Variants in MARS1 observed in about 807,000 individuals in gnomAD.
MARS1 encodes methionyl-tRNA synthetase 1.
Under a neutral mutation model 119.5 loss-of-function variants are expected in MARS1, and 80 were observed. The observed-to-expected ratio is 0.67, with a 90% CI of 0.56 to 0.81. The LOEUF is 0.81. Among genes scored for constraint, MARS1 ranks in the 30% least tolerant of loss-of-function variants. MARS1 has a pLI of 0.00. For synonymous variants in MARS1, 418 were observed against 433.4 expected, an observed-to-expected ratio of 0.96 and a Z score of 0.44; for missense variants, 945 against 1,116.5, an observed-to-expected ratio of 0.85 and a Z score of 2.19.
At chr12:57,499,010 G>A (rs987939393) in intron 9 of MARS1, among the ~76,000 whole-genome samples, 4 of 152,098 alleles carry the variant, frequency 2.6e-5, no homozygotes, top group African/African-American at 9.7e-5. Context: ...ATAGCCGGGT[G>A]CAGTGGCTCA....
At chr12:57,488,295 C>T in intron 1 of MARS1, 96 bp downstream of exon 1, 1 of 1,136,130 alleles carries the variant, frequency 8.8e-7, no homozygotes, top group South Asian at 1.4e-5. Flanking sequence ...CTAGCCCTCG[C>T]CACACACCCC....
intron 13 of MARS1, 41 bp downstream of exon 13, chr12:57,512,144 C>T (rs766761732): frequency 2.1e-5 from 34 of 1,604,150 alleles, no homozygotes; most frequent in African/African-American, 1.6e-4. Flanking sequence ...GGAGGGTAGG[C>T]GGTAGGGTGT....
Position 57,498,434 on chromosome 12 carries a change from G to A in MARS1, c.902G>A (p.Arg301His). Residue 301 changes from arginine (R) to histidine (H), a missense_variant, in exon 9 of 21, where the codon CGC becomes CAC. Transcript: ENST00000262027. ...TTCCCTTGCAGGTACTCTCGCCTCC[G>A]CCAGTGGAACACCCTCTATCTGTGT... ...ADVFARYSRL[R>H]QWNTLYLCGT... The A allele has an allele frequency of 6.2e-6, 10 of 1,613,884 alleles. No homozygotes were observed. The highest frequency in any genetic ancestry group is 8.5e-6 in the Non-Finnish European group (10 of 1,180,026).
chr12:57,488,949 T>TC, intron 1 of MARS1, 70 bp from the exon 2 acceptor site: 2 of 1,235,546 alleles, frequency 1.6e-6, no homozygotes, highest in South Asian at 2.4e-5. Flanking sequence ...TGCAAGGTTA[T>TC]CCTAAGTTGA....
At chr12:57,512,632 A>C in intron 14 of MARS1, 119 bp from the exon 15 acceptor site, 3 of 834,576 alleles carry the variant, frequency 3.6e-6, no homozygotes, top group Non-Finnish European at 5.8e-6. Flanking sequence ...CCTTAAGGAG[A>C]AATGTTGCTA....
Position 57,490,278 on chromosome 12 carries a change from A to G in MARS1, c.562A>G (p.Thr188Ala). ...TQEPCQRAAETVLKQQGVLAL... is the reference protein window; with the variant it reads ...TQEPCQRAAEAVLKQQGVLAL... Reference sequence around the variant, plus strand: ...GGAACCATGTCAGCGAGCTGCAGAGACTGTACTGAAACAGCAAGGTGTCCT... The same window carrying G: ...GGAACCATGTCAGCGAGCTGCAGAGGCTGTACTGAAACAGCAAGGTGTCCT... Residue 188 changes from threonine to alanine, a missense_variant, in exon 6 of 21, where the codon ACT becomes GCT. By Grantham distance (58) the Thr-to-Ala change is moderately conservative (BLOSUM62 0). Transcript: ENST00000262027. 1 of 1,613,498 alleles carries G rather than the reference A, an allele frequency of 6.2e-7. No homozygotes were observed. Among genetic ancestry groups the G allele is most frequent in the South Asian group, 1.1e-5 (1 of 91,050 alleles).
At chr12:57,495,370 G>A (rs1354664438) in intron 7 of MARS1, among the ~76,000 whole-genome samples, 1 of 151,458 alleles carries the variant, frequency 6.6e-6, no homozygotes, top group Non-Finnish European at 1.5e-5. Context: ...ACGGGGTCGC[G>A]GCCGGGCAGA....
Position 57,500,453 on chromosome 12 carries a change from T to G in MARS1, c.1224T>G (p.Cys408Trp), listed in dbSNP as rs1485680862. Residue 408 changes from cysteine (C) to tryptophan (W), a missense_variant, in exon 10 of 21, where the codon TGT (cysteine) becomes TGG (tryptophan). Physicochemically the swap from Cys to Trp is radical, Grantham distance 215 (BLOSUM62 -2). Coordinates refer to ENST00000262027, the MANE Select transcript of MARS1 (RefSeq NM_004990.4). Reference sequence around the variant, plus strand: ...TCGTGGAGGGCGTGTGTCCCTTCTGTGGCTATGAGGAGGCTCGGGGTGACC... The same window carrying G: ...TCGTGGAGGGCGTGTGTCCCTTCTGGGGCTATGAGGAGGCTCGGGGTGACC... ...DRFVEGVCPF[C>W]GYEEARGDQC... The G allele has an allele frequency of 6.2e-7, 1 of 1,614,158 alleles. No individual in the cohort carries two copies. Among genetic ancestry groups the G allele is most frequent in the East Asian group, 2.2e-5 (1 of 44,882 alleles).
chr12:57,499,479 C>T (rs1876814278), intron 9 of MARS1, among the ~76,000 whole-genome samples: 2 of 151,246 alleles, frequency 1.3e-5, no homozygotes, highest in Non-Finnish European at 2.9e-5. Flanking sequence ...TGGTGGGCGC[C>T]TGTAGTCCCA....
chr12:57,504,895 G>C (rs1267959223), intron 11 of MARS1, among the ~76,000 whole-genome samples: 1 of 151,732 alleles, frequency 6.6e-6, no homozygotes, highest in African/African-American at 2.4e-5. Context: ...GTAGAGACAG[G>C]GTTTTGCCAT....
Position 57,511,738 on chromosome 12 carries a change from C to T in MARS1, c.1409C>T (p.Pro470Leu), listed in dbSNP as rs1204484071. 1 of 1,614,226 alleles carries T rather than the reference C, an allele frequency of 6.2e-7. No individual in the cohort carries two copies. The highest frequency in any genetic ancestry group is 1.1e-5 in the South Asian group (1 of 91,086). The part of the protein sequence containing the change: ...RLEEWLGRTL[P>L]GSDWTPNAQF... ...GAGGAGTGGTTGGGGAGGACATTGC[C>T]TGGCAGTGACTGGACACCCAATGCC... The change falls in exon 12 of 21, where the codon CCT becomes CTT. Residue 470 changes from proline (P) to leucine (L), a missense_variant. Transcript: ENST00000262027.
chr12:57,513,755 T>G lies in MARS1; in HGVS notation c.1967+791T>G, dbSNP rs58998083. Among the ~76,000 whole-genome samples, 316 of 152,244 alleles carry G rather than the reference T, an allele frequency of 2.1e-3. 2 individuals carry two copies. Among genetic ancestry groups the G allele is most frequent in the African/African-American group, 6.7e-3 (279 of 41,548 alleles). On this transcript the variant is annotated intron_variant, in intron 15 of 20. Transcript: ENST00000262027. ...GTATTCTCCAGAATTTAGGATTCTT[T>G]AGTCACACTCTCTGAGCCCTGGACC...
chr12:57,495,576 G>A (rs1186400989), intron 7 of MARS1, among the ~76,000 whole-genome samples: 2 of 151,222 alleles, frequency 1.3e-5, no homozygotes, highest in Non-Finnish European at 3.0e-5. Context: ...AGGCTGAGAC[G>A]CTCCTCACTT....
rs148245567 is a variant in MARS1 at position 57,516,550 on chromosome 12, C to T, written c.2672C>T (p.Pro891Leu). The change falls in exon 21 of 21, where the codon CCT (proline) becomes CTT (leucine). Residue 891 changes from proline to leucine, a missense_variant. Transcript: ENST00000262027. ...TTGGCTGTAGCTGAGGGGAAACCCC[C>T]TGAAGCCCCTAAAGGCAAGAAGAAA... ...KQLAVAEGKP[P>L]EAPKGKKKK 24 of 1,597,158 alleles carry T rather than the reference C, an allele frequency of 1.5e-5. No homozygotes were observed. In the African/African-American group the frequency reaches 3.3e-4, roughly 22 times the overall value.
chr12:57,490,049 T>C (rs903279884), intron 5 of MARS1, 78 bp downstream of exon 5: 2 of 1,486,348 alleles, frequency 1.3e-6, no homozygotes, highest in African/African-American at 1.4e-5. Flanking sequence ...TACTGAGAAC[T>C]CCCTTCAAGG....
At chr12:57,502,578 TGCCTGTAATCCCA>T (rs1876967475) in intron 10 of MARS1, among the ~76,000 whole-genome samples, 1 of 151,542 alleles carries the variant, frequency 6.6e-6, no homozygotes. Context: ...TGGTGGTGCG[TGCCTGTAATCCCA>T]GCTACCAGGG....
intron 11 of MARS1, among the ~76,000 whole-genome samples, chr12:57,507,949 C>T (rs1237321292): frequency 2.0e-5 from 3 of 149,288 alleles, no homozygotes; most frequent in African/African-American, 5.0e-5. Context: ...TCAGATGGGG[C>T]GGCTGCCGGG....
chr12:57,516,018 G>C lies in MARS1; in HGVS notation c.2463+27G>C, dbSNP rs368219266. 3.7e-6 allele frequency: 6 copies of C among 1,608,550 alleles called. No individual in the cohort carries two copies. The Admixed American group carries it at 1.0e-4, about 27-fold the overall frequency. On this transcript the variant is annotated intron_variant, in intron 19 of 20. Transcript: ENST00000262027. ...TGAGAAAGCTAAAGGCTGTGCCCTCGCTCCACAACAGCCACAGCATCACTT... is the reference window on the plus strand; with the variant it reads ...TGAGAAAGCTAAAGGCTGTGCCCTCCCTCCACAACAGCCACAGCATCACTT...
chr12:57,494,461 GGGATTACA>G (rs1282509433), intron 7 of MARS1, among the ~76,000 whole-genome samples: 1 of 144,546 alleles, frequency 6.9e-6, no homozygotes, highest in African/African-American at 2.6e-5. Flanking sequence ...CTGAGTAGCT[GGGATTACA>G]GGTGCCTGCC....
Sources: allele counts gnomAD v4.1 joint callset (sites outside exome capture counted in the v4.1 genomes callset), GRCh38; gene constraint gnomAD v4.1.1; transcripts MANE v1.5; gene names NCBI Gene and HGNC (gene_info 2026-07-23, HGNC 2026-07-21).